RASSF3: variants seen among roughly 807,000 people sequenced by gnomAD.
RASSF3 encodes the protein Ras association domain family member 3.
A neutral mutation model predicts 19.9 loss-of-function variants in RASSF3; 19 were observed. The ratio of observed to expected loss-of-function variants is 0.96; its 90% CI spans 0.67 to 1.40. The LOEUF is 1.40. RASSF3 is among the 40% of genes most tolerant of loss of function. The pLI, the probability that RASSF3 is intolerant of heterozygous loss-of-function variation, is 0.00. For missense variants in RASSF3, 306 were observed against 289.8 expected (o/e 1.06, Z -0.41); for synonymous variants, 110 against 104.2 (o/e 1.06, Z -0.34).
chr12:64,569,256 T>A (rs1385191129), intron 2 of RASSF3, among the ~76,000 whole-genome samples: 1 of 152,238 alleles, frequency 6.6e-6, no homozygotes, highest in Admixed American at 6.5e-5. Flanking sequence ...TTGCTGTAAC[T>A]ATTGGAACCT....
intron 2 of RASSF3, among the ~76,000 whole-genome samples, chr12:64,686,351 C>T (rs142497002): frequency 0.033 from 5,054 of 152,010 alleles, 167 homozygotes; most frequent in East Asian, 0.15. Flanking sequence ...CGGTGGCTCA[C>T]GCCTGTAATC....
chr12:64,554,795 A>G (rs574342934), intron 2 of RASSF3, among the ~76,000 whole-genome samples: 72 of 152,352 alleles, frequency 4.7e-4, no homozygotes, highest in African/African-American at 1.5e-3. Flanking sequence ...TTCTCCCACT[A>G]GAATATAAGC....
chr12:64,676,787 T>A (rs959059964), intron 1 of RASSF3, among the ~76,000 whole-genome samples: 4 of 150,608 alleles, frequency 2.7e-5, no homozygotes, highest in African/African-American at 9.8e-5. Flanking sequence ...TTTTTTTTTT[T>A]AGACAGTGTC....
chr12:64,671,299 G>A (rs1206131203), intron 1 of RASSF3, among the ~76,000 whole-genome samples: 1 of 152,162 alleles, frequency 6.6e-6, no homozygotes, highest in East Asian at 1.9e-4. Context: ...GGCTGGTCCT[G>A]GGTCACCCCA....
intron 1 of RASSF3, among the ~76,000 whole-genome samples, chr12:64,521,565 C>G (rs541720526): frequency 6.6e-6 from 1 of 152,182 alleles, no homozygotes; most frequent in Non-Finnish European, 1.5e-5. Context: ...GAAAATGACA[C>G]GTGGATTGTA....
chr12:64,655,012 G>T (rs1872106851), intron 1 of RASSF3: 1 of 152,120 alleles, frequency 6.6e-6, no homozygotes, highest in Admixed American at 6.6e-5. Flanking sequence ...TGACTATCAA[G>T]AACTCATTAC....
intron 1 of RASSF3, among the ~76,000 whole-genome samples, chr12:64,656,515 T>C (rs1872165410): frequency 6.6e-6 from 1 of 152,248 alleles, no homozygotes; most frequent in African/African-American, 2.4e-5. Flanking sequence ...TGTGATTCTC[T>C]ACCTTTTTCT....
chr12:64,674,373 C>T (rs1872804851), intron 1 of RASSF3, among the ~76,000 whole-genome samples: 1 of 152,182 alleles, frequency 6.6e-6, no homozygotes, highest in Admixed American at 6.5e-5. Flanking sequence ...GAGCCCTCTT[C>T]TATATCCAAC....
intron 1 of RASSF3, among the ~76,000 whole-genome samples, chr12:64,534,589 C>T (rs1338795568): frequency 1.3e-5 from 2 of 152,102 alleles, no homozygotes; most frequent in Admixed American, 1.3e-4. Context: ...TGAGCAACCC[C>T]AAGGCTAGTA....
intron 2 of RASSF3, among the ~76,000 whole-genome samples, chr12:64,603,014 G>A (rs1870121766): frequency 6.6e-6 from 1 of 152,056 alleles, no homozygotes; most frequent in South Asian, 2.1e-4. Flanking sequence ...CAGGAGAATC[G>A]CTTGAACCTG....
intron 2 of RASSF3, among the ~76,000 whole-genome samples, chr12:64,550,363 A>G (rs1467645339): frequency 2.6e-5 from 4 of 151,998 alleles, no homozygotes; most frequent in Non-Finnish European, 5.9e-5. Flanking sequence ...AAGAGAAGAG[A>G]AAGAAAAGAA....
At chr12:64,510,681 A>G (rs907509805) in intron 1 of RASSF3, among the ~76,000 whole-genome samples, 1 of 152,206 alleles carries the variant, frequency 6.6e-6, no homozygotes, top group African/African-American at 2.4e-5. Flanking sequence ...ATGATTTAGG[A>G]AGAAATATAG....
intron 1 of RASSF3, among the ~76,000 whole-genome samples, chr12:64,679,528 T>C (rs1339575734): frequency 6.6e-6 from 1 of 152,218 alleles, no homozygotes; most frequent in Non-Finnish European, 1.5e-5. Flanking sequence ...AAGTCTGAGT[T>C]GTGAGCCTGT....
At chr12:64,605,760 T>C (rs1282128760), upstream of RASSF3, among the ~76,000 whole-genome samples, 1 of 151,950 alleles carries the variant, frequency 6.6e-6, no homozygotes, top group Non-Finnish European at 1.5e-5. Flanking sequence ...TAGTGGCGCA[T>C]GCCTGTAATC....
In RASSF3 at chr12:64,563,990, C is replaced by T. The variant is rs115308176; in HGVS notation, c.294+22285C>T. 5.5e-3 allele frequency among the ~76,000 whole-genome samples: 834 copies of T among 152,238 alleles called. 4 individuals carry two copies. Among genetic ancestry groups the T allele is most frequent in the African/African-American group, 0.02 (810 of 41,538 alleles). On this transcript the variant is annotated intron_variant, in intron 2 of 5. Transcript: ENST00000637125. ...TCATAGCTGCATCCCTAGCACCCAC[C>T]CCAGCTGGGCATGGAGTGGGTTCTC...
chr12:64,692,916 T>G (rs927675413), intron 4 of RASSF3, among the ~76,000 whole-genome samples: 1 of 152,144 alleles, frequency 6.6e-6, no homozygotes, highest in African/African-American at 2.4e-5. Context: ...TGGGTTTTAT[T>G]GTTCCAGACT....
At chr12:64,693,316 C>G (rs1868311617) in intron 4 of RASSF3, among the ~76,000 whole-genome samples, 1 of 152,010 alleles carries the variant, frequency 6.6e-6, no homozygotes, top group Admixed American at 6.6e-5. Context: ...ATCCAGGGCC[C>G]CCTTTGGGAG....
intron 2 of RASSF3, among the ~76,000 whole-genome samples, chr12:64,597,515 G>A (rs1481787661): frequency 6.6e-6 from 1 of 151,880 alleles, no homozygotes. Context: ...GGAGTGCAGT[G>A]TCACAATCTC....
rs59308298 is a variant in RASSF3, at chr12:64,550,820, C to CA, written c.294+9128dup. 2.8e-3 allele frequency among the ~76,000 whole-genome samples: 211 copies of CA among 75,866 alleles called. 6 individuals are homozygous for CA. The highest frequency in any genetic ancestry group is 0.011 in the East Asian group (27 of 2,480). The allele number at this position is 75,866 out of a possible 152,430, so 49.8% of individuals were successfully genotyped here. On this transcript the variant is annotated intron_variant, in intron 2 of 5. Coordinates refer to the RASSF3 transcript ENST00000637125. Reference sequence around the variant, plus strand: ...TGAGAGAGGGAGAGAGACTCCATCTCAAAAAAAAAAAAAGAAAGAAAGAAA... The same window carrying CA: ...TGAGAGAGGGAGAGAGACTCCATCTCAAAAAAAAAAAAAAGAAAGAAAGAAA...
Sources: allele counts gnomAD v4.1 joint callset (sites outside exome capture counted in the v4.1 genomes callset), GRCh38; gene constraint gnomAD v4.1.1; transcripts MANE v1.5; gene names NCBI Gene and HGNC (gene_info 2026-07-23, HGNC 2026-07-21).